Variants in AKAIN1 observed in about 807,000 individuals in gnomAD.
AKAIN1 encodes A-kinase anchor inhibitor 1.
Under a neutral mutation model 3.7 loss-of-function variants are expected in AKAIN1, and 3 were observed. The observed-to-expected ratio is 0.82, with a 90% CI of 0.37 to 2.12. The LOEUF (loss-of-function observed/expected upper bound fraction) is 2.12, where lower values mean the gene tolerates loss of function less well. AKAIN1 is among the 30% of genes most tolerant of loss of function. AKAIN1 has a pLI of 0.06. For missense variants in AKAIN1, 82 were observed against 82.7 expected, an observed-to-expected ratio of 0.99 and a Z score of 0.03; for synonymous variants, 31 against 30.8, an observed-to-expected ratio of 1.01 and a Z score of -0.02.
At chr18:5,185,131 T>C (rs2071279536) in intron 1 of AKAIN1, among the ~76,000 whole-genome samples, 1 of 152,060 alleles carries the variant, frequency 6.6e-6, no homozygotes, top group Non-Finnish European at 1.5e-5. Flanking sequence ...GCTGGGATAG[T>C]TGCCTAGCCA....
chr18:5,189,421 A>G (rs1352407794), intron 1 of AKAIN1, among the ~76,000 whole-genome samples: 2 of 152,096 alleles, frequency 1.3e-5, no homozygotes, highest in African/African-American at 4.8e-5. Context: ...TTAATTTTTC[A>G]AATTTTTCTG....
chr18:5,154,929 G>A (rs1731380682), intron 1 of AKAIN1, among the ~76,000 whole-genome samples: 1 of 152,144 alleles, frequency 6.6e-6, no homozygotes, highest in South Asian at 2.1e-4. Context: ...GGGACTACAG[G>A]CGCCCGCCAC....
intron 1 of AKAIN1, among the ~76,000 whole-genome samples, chr18:5,183,714 A>T (rs373969109): frequency 1.4e-4 from 21 of 152,240 alleles, no homozygotes; most frequent in Admixed American, 5.2e-4. Context: ...ACTTAATTAG[A>T]TCATATGAAA....
intron 1 of AKAIN1, among the ~76,000 whole-genome samples, chr18:5,164,932 G>C (rs2071159471): frequency 6.6e-6 from 1 of 151,960 alleles, no homozygotes; most frequent in Non-Finnish European, 1.5e-5. Context: ...CCACTAATAT[G>C]TATTCAATTA....
intron 1 of AKAIN1, among the ~76,000 whole-genome samples, chr18:5,167,124 T>C (rs746753608): frequency 1.3e-5 from 2 of 152,038 alleles, no homozygotes; most frequent in Non-Finnish European, 1.5e-5. Flanking sequence ...CAGACACAGA[T>C]GGATAAATGG....
chr18:5,170,908 C>T (rs1170492820), intron 1 of AKAIN1: 2 of 152,162 alleles, frequency 1.3e-5, no homozygotes, highest in African/African-American at 4.8e-5. Context: ...TCAACAGAAC[C>T]CAGCTAAGAT....
At chr18:5,191,981 T>C (rs2071321353) in intron 1 of AKAIN1, among the ~76,000 whole-genome samples, 1 of 152,186 alleles carries the variant, frequency 6.6e-6, no homozygotes, top group Admixed American at 6.5e-5. Flanking sequence ...TTCAATGATA[T>C]TTTAAATAAT....
intron 1 of AKAIN1, among the ~76,000 whole-genome samples, chr18:5,187,029 C>G (rs188127555): frequency 9.4e-4 from 143 of 152,152 alleles, no homozygotes; most frequent in Admixed American, 3.0e-3. Context: ...TTTTAGAATA[C>G]TCTAAAGCAA....
At chr18:5,197,451 C>T (rs2071355965), upstream of AKAIN1, 1 of 1,237,178 alleles carries the variant, frequency 8.1e-7, no homozygotes, top group African/African-American at 1.6e-5. The surrounding 1 kb of genome is among the most constrained non-coding windows in gnomAD (Gnocchi z 6.9). Context: ...CTTTTAATTA[C>T]CTGCTGTGGC....
chr18:5,171,597 A>G (rs1359272644), intron 1 of AKAIN1, among the ~76,000 whole-genome samples: 2 of 152,196 alleles, frequency 1.3e-5, no homozygotes, highest in Admixed American at 6.5e-5. Flanking sequence ...AGTACTCAAT[A>G]TCATTGATCA....
intron 1 of AKAIN1, among the ~76,000 whole-genome samples, chr18:5,186,136 C>A (rs1598316013): frequency 6.6e-6 from 1 of 152,068 alleles, no homozygotes; most frequent in East Asian, 1.9e-4. Context: ...AAACCAAATA[C>A]TGCATGTTCT....
At position 5,162,975 on chromosome 18, in the gene AKAIN1, C is replaced by T. The variant is rs573893182; in HGVS notation, c.17-17220G>A. Among the ~76,000 whole-genome samples, 5 of 151,976 alleles carry T rather than the reference C, an allele frequency of 3.3e-5. No homozygotes were observed. In the South Asian group the frequency reaches 1.0e-3, roughly 32 times the overall value. On this transcript the variant is annotated intron_variant, in intron 1 of 1. Transcript: ENST00000434239. ...AGTTACAATGAAGATTCTCAGGCTCCACCCACAGAGATTCCAATTCAGTAG... is the reference window on the plus strand; with the variant it reads ...AGTTACAATGAAGATTCTCAGGCTCTACCCACAGAGATTCCAATTCAGTAG...
At chr18:5,188,105 T>C (rs528716212) in intron 1 of AKAIN1, among the ~76,000 whole-genome samples, 1 of 152,234 alleles carries the variant, frequency 6.6e-6, no homozygotes, top group African/African-American at 2.4e-5. Flanking sequence ...ATAATATTCT[T>C]TGACTCAATG....
At chr18:5,189,113 G>A (rs574811885) in intron 1 of AKAIN1, among the ~76,000 whole-genome samples, 1 of 152,270 alleles carries the variant, frequency 6.6e-6, no homozygotes, top group African/African-American at 2.4e-5. Flanking sequence ...GGAGAGTTAT[G>A]CTGAAATGTA....
In AKAIN1 at chr18:5,197,105, G is replaced by A. The variant is rs2143051618; in HGVS notation, c.-52C>T. The A allele has an allele frequency of 6.4e-7, 1 of 1,550,498 alleles. No individual in the cohort carries two copies. Among genetic ancestry groups the A allele is most frequent in the South Asian group, 1.2e-5 (1 of 84,016 alleles). On this transcript the variant is annotated 5_prime_UTR_variant, in exon 1 of 2. Transcript: ENST00000434239. This position sits in a 1 kb window ranked among gnomAD's most constrained non-coding sequence, Gnocchi z 6.9. ...GATTAAGAGAGAAAGACAGGCAGAC[G>A]GAGGATGGGAAGAAGGCCGGACTTG... is the stretch of plus-strand genomic sequence containing the variant.
intron 1 of AKAIN1, among the ~76,000 whole-genome samples, chr18:5,159,095 T>C (rs1318443144): frequency 1.3e-5 from 2 of 151,994 alleles, no homozygotes; most frequent in Admixed American, 1.3e-4. Flanking sequence ...CTTTTTACTG[T>C]GTTGGGGTTA....
intron 1 of AKAIN1, among the ~76,000 whole-genome samples, chr18:5,192,305 A>G (rs556830541): frequency 6.6e-6 from 1 of 152,228 alleles, no homozygotes; most frequent in East Asian, 1.9e-4. Flanking sequence ...CAGTGGCTCA[A>G]TCCTACCTCA....
chr18:5,149,024 AGG>A (rs2071065267), intron 1 of AKAIN1, among the ~76,000 whole-genome samples: 1 of 152,214 alleles, frequency 6.6e-6, no homozygotes, highest in Non-Finnish European at 1.5e-5. Flanking sequence ...TGCGAAACCC[AGG>A]TTGCTCTGTC....
chr18:5,160,662 G>A (rs552594520), intron 1 of AKAIN1, among the ~76,000 whole-genome samples: 10 of 152,128 alleles, frequency 6.6e-5, no homozygotes, highest in African/African-American at 2.4e-4. Flanking sequence ...CTCCTCTATT[G>A]TCTTTTGAAA....
Sources: allele counts gnomAD v4.1 joint callset (sites outside exome capture counted in the v4.1 genomes callset), GRCh38; gene constraint gnomAD v4.1.1; non-coding constraint Gnocchi (gnomAD v3.1); transcripts MANE v1.5; gene names NCBI Gene and HGNC (gene_info 2026-07-23, HGNC 2026-07-21).